Variants in IMMP2L observed in about 807,000 individuals in gnomAD.
The protein encoded by IMMP2L is mitochondrial inner membrane protease subunit 2.
In IMMP2L, 18 loss-of-function variants were observed where a neutral mutation model predicts 19.3. The ratio of observed to expected loss-of-function variants is 0.93; its 90% CI spans 0.64 to 1.38. IMMP2L has a LOEUF of 1.38. Among genes scored for constraint, IMMP2L ranks in the 40% most tolerant of loss-of-function variants. IMMP2L has a pLI of 0.00. For synonymous variants in IMMP2L, 76 were observed against 73.0 expected (o/e 1.04, Z -0.21); for missense variants, 233 against 218.2 (o/e 1.07, Z -0.43).
intron 3 of IMMP2L, among the ~76,000 whole-genome samples, chr7:111,307,160 T>C (rs914252633): frequency 6.6e-6 from 1 of 151,606 alleles, no homozygotes; most frequent in Non-Finnish European, 1.5e-5. Flanking sequence ...ACTTAGTACC[T>C]TACTTTTGGA....
At chr7:111,155,663 T>C (rs550999490) in intron 3 of IMMP2L, among the ~76,000 whole-genome samples, 1 of 151,770 alleles carries the variant, frequency 6.6e-6, no homozygotes, top group South Asian at 2.1e-4. Context: ...TGGAAATTTA[T>C]ATGCAATTAT....
intron 3 of IMMP2L, among the ~76,000 whole-genome samples, chr7:111,171,341 G>A (rs1029759105): frequency 6.6e-6 from 1 of 151,584 alleles, no homozygotes; most frequent in Non-Finnish European, 1.5e-5. Flanking sequence ...AAACTCACTA[G>A]GGTAGCATAA....
intron 5 of IMMP2L, among the ~76,000 whole-genome samples, chr7:110,846,979 A>C (rs1012854306): frequency 6.6e-6 from 1 of 152,154 alleles, no homozygotes; most frequent in Non-Finnish European, 1.5e-5. Flanking sequence ...TACTGTCTAG[A>C]ACTAAAGTTT....
intron 5 of IMMP2L, among the ~76,000 whole-genome samples, chr7:110,691,178 A>G (rs973361535): frequency 2.6e-5 from 4 of 152,158 alleles, no homozygotes; most frequent in African/African-American, 9.6e-5. Flanking sequence ...GCACCCATCA[A>G]ACTGGTCCTT....
intron 3 of IMMP2L, among the ~76,000 whole-genome samples, chr7:111,336,908 A>G (rs1826482567): frequency 6.6e-6 from 1 of 151,896 alleles, no homozygotes; most frequent in African/African-American, 2.4e-5. Context: ...GCTTAACAGA[A>G]ACTAGTCTTG....
intron 3 of IMMP2L, among the ~76,000 whole-genome samples, chr7:111,477,729 T>C (rs1341091246): frequency 6.6e-6 from 1 of 151,846 alleles, no homozygotes; most frequent in South Asian, 2.1e-4. Flanking sequence ...AGAAACCCCA[T>C]CTCTACTAAA....
At chr7:111,349,846 G>C (rs760924957) in intron 3 of IMMP2L, among the ~76,000 whole-genome samples, 1 of 152,010 alleles carries the variant, frequency 6.6e-6, no homozygotes, top group Non-Finnish European at 1.5e-5. Flanking sequence ...CCCTCTCCCT[G>C]TTCTAGTCAA....
chr7:110,780,129 A>G (rs1799640608), intron 5 of IMMP2L, among the ~76,000 whole-genome samples: 1 of 151,634 alleles, frequency 6.6e-6, no homozygotes, highest in South Asian at 2.1e-4. Context: ...GAATCTCTTG[A>G]GGAAGAGCTG....
At chr7:110,775,176 T>C (rs577313612) in intron 5 of IMMP2L, among the ~76,000 whole-genome samples, 7 of 151,980 alleles carry the variant, frequency 4.6e-5, no homozygotes, top group South Asian at 2.1e-4. Context: ...CTCTTGATAA[T>C]GAGATCATGC....
intron 3 of IMMP2L, among the ~76,000 whole-genome samples, chr7:111,026,965 T>G (rs2129568021): frequency 6.6e-6 from 1 of 152,274 alleles, no homozygotes; most frequent in East Asian, 1.9e-4. Flanking sequence ...GATACACTTT[T>G]TCAACATAAC....
At chr7:111,389,982 T>C (rs1832176469) in intron 3 of IMMP2L, among the ~76,000 whole-genome samples, 1 of 152,152 alleles carries the variant, frequency 6.6e-6, no homozygotes, top group Non-Finnish European at 1.5e-5. Flanking sequence ...ATGATGTACA[T>C]TGGGGAATTA....
At chr7:110,747,130 C>A (rs752903445) in intron 5 of IMMP2L, among the ~76,000 whole-genome samples, 4 of 152,122 alleles carry the variant, frequency 2.6e-5, no homozygotes, top group African/African-American at 9.7e-5. Context: ...CACCTCTACA[C>A]AAATAAATAG....
At chr7:110,695,049 G>C (rs894020761) in intron 5 of IMMP2L, among the ~76,000 whole-genome samples, 1 of 151,568 alleles carries the variant, frequency 6.6e-6, no homozygotes, top group East Asian at 1.9e-4. Flanking sequence ...GTCATTGCCA[G>C]GGGGTGTGAG....
intron 1 of IMMP2L, among the ~76,000 whole-genome samples, chr7:111,540,935 T>C (rs910541798): frequency 6.6e-6 from 1 of 152,142 alleles, no homozygotes; most frequent in Non-Finnish European, 1.5e-5. Context: ...GCCATGCAAC[T>C]AATCTGATAC....
At chr7:111,060,741 C>A (rs1793942252) in intron 3 of IMMP2L, among the ~76,000 whole-genome samples, 1 of 152,168 alleles carries the variant, frequency 6.6e-6, no homozygotes, top group Non-Finnish European at 1.5e-5. Context: ...AACTCAATAA[C>A]AATTATTATT....
intron 3 of IMMP2L, among the ~76,000 whole-genome samples, chr7:111,030,158 A>G (rs781121789): frequency 6.6e-6 from 1 of 152,210 alleles, no homozygotes. Context: ...AAAGATGTGC[A>G]GAGTTCAGGA....
intron 3 of IMMP2L, among the ~76,000 whole-genome samples, chr7:111,332,650 A>G (rs1365463440): frequency 6.6e-6 from 1 of 152,016 alleles, no homozygotes; most frequent in Non-Finnish European, 1.5e-5. Context: ...AAAAACACCT[A>G]CAATATAACT....
In IMMP2L at chr7:110,699,843, C is replaced by G. The variant is rs144694971; in HGVS notation, c.409-36122G>C. Among the ~76,000 whole-genome samples, 1,253 of 151,826 alleles carry G rather than the reference C, an allele frequency of 8.3e-3. 15 individuals carry two copies. Among genetic ancestry groups the G allele is most frequent in the African/African-American group, 0.028 (1,171 of 41,396 alleles). On this transcript the variant is annotated intron_variant, in intron 5 of 5. Transcript: ENST00000405709. ...CATTACGTGAGTCTGTCTTAGCAGT[C>G]TGAGTGTGAGGGCCTTGAAGAAGAA...
At chr7:110,854,067 A>G (rs1806507614) in intron 5 of IMMP2L, among the ~76,000 whole-genome samples, 1 of 151,942 alleles carries the variant, frequency 6.6e-6, no homozygotes, top group Non-Finnish European at 1.5e-5. Flanking sequence ...TCTTACAGTC[A>G]CCAATAAATA....
Sources: gnomAD v4.1 joint callset for allele counts (sites outside exome capture counted in the v4.1 genomes callset) on GRCh38, gnomAD v4.1.1 for gene constraint, MANE v1.5 for transcripts, NCBI Gene and HGNC (gene_info 2026-07-23, HGNC 2026-07-21) for gene names.